RPTOR: variants seen among roughly 807,000 people sequenced by gnomAD.
RPTOR encodes regulatory-associated protein of mTOR.
A neutral mutation model predicts 169.9 loss-of-function variants in RPTOR; 21 were observed. The observed-to-expected ratio is 0.12, with a 90% CI of 0.09 to 0.18. The LOEUF is 0.18. RPTOR is among the 10% of genes least tolerant of loss of function. RPTOR has a pLI of 1.00. For missense variants in RPTOR, 1,133 were observed against 1,855.9 expected, an observed-to-expected ratio of 0.61 and a Z score of 7.16; for synonymous variants, 732 against 753.2, an observed-to-expected ratio of 0.97 and a Z score of 0.46.
In RPTOR at chr17:80,964,286, G is replaced by T. The variant is rs780300677; in HGVS notation, c.3964G>T (p.Asp1322Tyr). 2 of 1,603,236 alleles carry T rather than the reference G, an allele frequency of 1.2e-6. No individual in the cohort carries two copies. The highest frequency in any genetic ancestry group is 1.7e-6 in the Non-Finnish European group (2 of 1,176,784). Reference protein sequence around the residue: ...HWPHLAVGSNDYYISVYSVEK... With the variant: ...HWPHLAVGSNYYYISVYSVEK... ...GCCTCACCTGGCCGTGGGAAGCAAC[G>T]ACTACTACATCTCCGTGTACTCGGT... is the stretch of plus-strand genomic sequence containing the variant. The change falls in exon 34 of 34, where the codon GAC becomes TAC. Residue 1322 changes from aspartate (D) to tyrosine (Y), a missense_variant. Asp to Tyr is a radical substitution (Grantham distance 160, BLOSUM62 -3). Transcript: ENST00000306801.
At chr17:80,668,656 GGTCACTTGC>G (rs921351015) in intron 3 of RPTOR, among the ~76,000 whole-genome samples, 2 of 152,346 alleles carry the variant, frequency 1.3e-5, no homozygotes, top group East Asian at 1.9e-4. Flanking sequence ...CAGCTCTTTA[GGTCACTTGC>G]GTCACAGGGA....
At chr17:80,676,586 G>A (rs1261032463) in intron 3 of RPTOR, among the ~76,000 whole-genome samples, 1 of 152,246 alleles carries the variant, frequency 6.6e-6, no homozygotes, top group Non-Finnish European at 1.5e-5. Flanking sequence ...GCTGGACCGG[G>A]TGTGCCAGCA....
At chr17:80,917,991 G>A (rs1362575941) in intron 21 of RPTOR, among the ~76,000 whole-genome samples, 4 of 152,170 alleles carry the variant, frequency 2.6e-5, no homozygotes, top group Non-Finnish European at 5.9e-5. Context: ...CTTAGTTCCT[G>A]CACCTCCACC....
At chr17:80,700,332 A>G (rs1212280600) in intron 3 of RPTOR, among the ~76,000 whole-genome samples, 1 of 151,826 alleles carries the variant, frequency 6.6e-6, no homozygotes, top group Non-Finnish European at 1.5e-5. Flanking sequence ...AGGCTGGAGG[A>G]TAAGTTGGGA....
In RPTOR at chr17:80,651,619, G is replaced by A. The variant is rs62069682; in HGVS notation, c.348+7809G>A. Among the ~76,000 whole-genome samples the A allele has an allele frequency of 0.095, 14,486 of 152,192 alleles. 875 individuals are homozygous for A. The highest frequency in any genetic ancestry group is 0.14 in the Non-Finnish European group (9,274 of 67,992). ...AACTTGGCTGGGCGCAGTGGCTCGC[G>A]CCTGTAATCCTAGCACTTTGGGAGG... is the stretch of plus-strand genomic sequence containing the variant. On this transcript the variant is annotated intron_variant, in intron 3 of 33. Coordinates refer to ENST00000306801, the MANE Select transcript of RPTOR (RefSeq NM_020761.3). This position sits in a 1 kb window ranked among gnomAD's most constrained non-coding sequence, Gnocchi z 4.1.
At chr17:80,755,590 T>A (rs1345730862) in intron 6 of RPTOR, among the ~76,000 whole-genome samples, 1 of 151,432 alleles carries the variant, frequency 6.6e-6, no homozygotes. Flanking sequence ...TACAAAAAAA[T>A]TAGCTGGATG....
At chr17:80,743,174 C>T in intron 5 of RPTOR, 1 of 944,622 alleles carries the variant, frequency 1.1e-6, no homozygotes, top group South Asian at 4.9e-5. Flanking sequence ...GGAACCCTTC[C>T]TGTCTTCCCG....
At chr17:80,733,995 G>A (rs533106275) in intron 5 of RPTOR, among the ~76,000 whole-genome samples, 1 of 152,144 alleles carries the variant, frequency 6.6e-6, no homozygotes, top group South Asian at 2.1e-4. Flanking sequence ...TTCTGTGATT[G>A]TCTTTCGTTC....
At position 80,860,851 on chromosome 17, in the gene RPTOR, C is replaced by A. The variant is rs373518888; in HGVS notation, c.1509+2951C>A. On this transcript the variant is annotated intron_variant, in intron 13 of 33. Transcript: ENST00000306801. The surrounding 1 kb of genome is among the most constrained non-coding windows in gnomAD (Gnocchi z 5.8). The stretch of plus-strand genomic sequence containing the variant: ...GGCACTGACCATGGCTCTGCTGGCA[C>A]GGGTCGGCTACCGTGCTTGCCATCT... 6.6e-6 allele frequency among the ~76,000 whole-genome samples: 1 copy of A among 152,036 alleles called. No individual in the cohort carries two copies. The highest frequency in any genetic ancestry group is 6.6e-5 in the Admixed American group (1 of 15,264).
chr17:80,862,932 A>T (rs2067936554), intron 13 of RPTOR, among the ~76,000 whole-genome samples: 1 of 152,196 alleles, frequency 6.6e-6, no homozygotes, highest in Non-Finnish European at 1.5e-5. Context: ...GGCCCTCAGG[A>T]CACACTTAAG....
intron 6 of RPTOR, among the ~76,000 whole-genome samples, chr17:80,787,841 A>G (rs954672879): frequency 2.6e-5 from 4 of 151,962 alleles, no homozygotes; most frequent in African/African-American, 4.8e-5. Context: ...CCATTTTTCT[A>G]TTGGATTTTT....
chr17:80,745,836 G>A (rs1451652613), intron 5 of RPTOR, among the ~76,000 whole-genome samples: 1 of 152,196 alleles, frequency 6.6e-6, no homozygotes, highest in Non-Finnish European at 1.5e-5. Context: ...ATTTGAGAAG[G>A]GAAAGAAGGA....
intron 3 of RPTOR, among the ~76,000 whole-genome samples, chr17:80,705,607 G>A (rs1472002765): frequency 6.6e-6 from 1 of 152,186 alleles, no homozygotes. Flanking sequence ...CAGAGTAACC[G>A]TGTTGCAGGA....
Position 80,960,900 on chromosome 17 carries a change from C to T in RPTOR, c.3606-494C>T, listed in dbSNP as rs2069330162. The T allele has an allele frequency of 1.8e-5, 3 of 167,044 alleles. No individual in the cohort carries two copies. The highest frequency in any genetic ancestry group is 1.6e-4 in the South Asian group (1 of 6,254). 10.3% of individuals were successfully genotyped at this position (167,044 alleles called of 1,614,324 possible). On this transcript the variant is annotated intron_variant, in intron 30 of 33. Transcript: ENST00000306801. This position sits in a 1 kb window ranked among gnomAD's most constrained non-coding sequence, Gnocchi z 4.8. The stretch of plus-strand genomic sequence containing the variant: ...ACAGTCCGTCTTGGCCCACACGGCT[C>T]ATGCAGCAGAAGTAAATTTCACCCA...
chr17:80,833,530 A>G (rs1407664751), intron 9 of RPTOR, among the ~76,000 whole-genome samples: 1 of 151,964 alleles, frequency 6.6e-6, no homozygotes, highest in Non-Finnish European at 1.5e-5. Flanking sequence ...GAAGCCCACC[A>G]CCATGGCCTC....
intron 13 of RPTOR, among the ~76,000 whole-genome samples, chr17:80,873,337 G>C (rs369126686): frequency 6.6e-6 from 1 of 152,094 alleles, no homozygotes; most frequent in Admixed American, 6.5e-5. Flanking sequence ...CTGGAATTGT[G>C]ATGTTTCTCC....
chr17:80,554,433 T>G (rs2084381217), intron 1 of RPTOR, among the ~76,000 whole-genome samples: 1 of 152,022 alleles, frequency 6.6e-6, no homozygotes, highest in South Asian at 2.1e-4. Flanking sequence ...TTCAACCCAT[T>G]GAATGTGGCA....
chr17:80,899,185 A>C (rs1047728052), intron 20 of RPTOR, among the ~76,000 whole-genome samples: 1 of 152,242 alleles, frequency 6.6e-6, no homozygotes, highest in African/African-American at 2.4e-5. Context: ...GAAAGCGCAG[A>C]GTTGACTCCG....
At chr17:80,913,316 A>G (rs2068634142) in intron 21 of RPTOR, among the ~76,000 whole-genome samples, 2 of 152,292 alleles carry the variant, frequency 1.3e-5, no homozygotes, top group East Asian at 3.9e-4. Context: ...CCAGCTCTGT[A>G]TGAGAGAACC....
Sources: allele counts gnomAD v4.1 joint callset (sites outside exome capture counted in the v4.1 genomes callset), GRCh38; gene constraint gnomAD v4.1.1; non-coding constraint Gnocchi (gnomAD v3.1); transcripts MANE v1.5; gene names NCBI Gene and HGNC (gene_info 2026-07-23, HGNC 2026-07-21).